FAM53B: variants seen among roughly 807,000 people sequenced by gnomAD.
FAM53B encodes protein FAM53B.
FAM53B carries 12 observed loss-of-function variants against 32.7 expected under a neutral mutation model. The observed-to-expected ratio is 0.37, with a 90% confidence interval of 0.24 to 0.59. The LOEUF (loss-of-function observed/expected upper bound fraction) is 0.59. Among genes scored for constraint, FAM53B ranks in the 20% least tolerant of loss-of-function variants. The pLI, the probability that FAM53B is intolerant of heterozygous loss-of-function variation, is 0.72. For missense variants in FAM53B, 477 were observed against 577.7 expected, an observed-to-expected ratio of 0.83 and a Z score of 1.79; for synonymous variants, 234 against 228.7, an observed-to-expected ratio of 1.02 and a Z score of -0.21.
At chr10:124,623,650 C>T (rs772033440) in intron 4 of FAM53B, 46 bp from the exon 5 acceptor site, 9 of 1,564,528 alleles carry the variant, frequency 5.8e-6, no homozygotes, top group East Asian at 4.5e-5. Context: ...ACTCCCCTCC[C>T]GCAGCCCCAG....
At chr10:124,626,528 G>A (rs1949357052) in intron 4 of FAM53B, among the ~76,000 whole-genome samples, 1 of 152,080 alleles carries the variant, frequency 6.6e-6, no homozygotes. Context: ...AGCCAGACAA[G>A]GATGTGAGAA....
chr10:124,725,871 GAA>G (rs1040907272), intron 1 of FAM53B, among the ~76,000 whole-genome samples: 6 of 152,294 alleles, frequency 3.9e-5, no homozygotes, highest in Admixed American at 1.3e-4. Context: ...GTGGGAAAAT[GAA>G]AGGAAAGACG....
rs1188897377 is a variant in FAM53B at position 124,681,773 on chromosome 10, T to C, written c.740A>G (p.Asn247Ser). ...CTCTGGTGTTGAGGCAGGTGTGCTG[T>C]TGGCTGAGGGAGGACAGTATTCCAC... is the stretch of plus-strand genomic sequence containing the variant. Reference protein sequence around the residue: ...SFVEYCPPSANSTPASTPELA... With the variant: ...SFVEYCPPSASSTPASTPELA... The change falls in exon 4 of 5, where the codon AAC becomes AGC. Residue 247 changes from asparagine (N) to serine (S), a missense_variant. By Grantham distance (46) the Asn-to-Ser change is conservative. Transcript: ENST00000337318. 5.6e-6 allele frequency: 9 copies of C among 1,608,900 alleles called. No homozygotes were observed. Among genetic ancestry groups the C allele is most frequent in the African/African-American group, 5.3e-5 (4 of 74,894 alleles).
intron 4 of FAM53B, among the ~76,000 whole-genome samples, chr10:124,626,689 T>A (rs148657072): frequency 1.3e-5 from 2 of 151,574 alleles, no homozygotes; most frequent in African/African-American, 4.8e-5. Flanking sequence ...CCAAACAAAG[T>A]AAGACACTTT....
At chr10:124,700,321 C>T (rs572989276) in intron 2 of FAM53B, among the ~76,000 whole-genome samples, 5 of 152,302 alleles carry the variant, frequency 3.3e-5, no homozygotes, top group African/African-American at 1.2e-4. Context: ...CACTTTGAAC[C>T]TCCTGCACCC....
At chr10:124,734,366 C>T (rs1950162375) in intron 1 of FAM53B, among the ~76,000 whole-genome samples, 2 of 152,216 alleles carry the variant, frequency 1.3e-5, no homozygotes, top group African/African-American at 4.8e-5. Flanking sequence ...TGGGGGCCAC[C>T]ACCATGGCAG....
intron 4 of FAM53B, among the ~76,000 whole-genome samples, chr10:124,661,153 T>C (rs760637045): frequency 2.6e-5 from 4 of 151,680 alleles, no homozygotes; most frequent in Non-Finnish European, 5.9e-5. Flanking sequence ...TCACCACTCC[T>C]GGAAGACATG....
At chr10:124,710,127 G>A (rs544879598) in intron 1 of FAM53B, among the ~76,000 whole-genome samples, 2 of 152,354 alleles carry the variant, frequency 1.3e-5, no homozygotes, top group East Asian at 3.9e-4. Context: ...CACAGGGCAC[G>A]CAGAGGGCAC....
At chr10:124,648,147 C>G (rs900145513) in intron 4 of FAM53B, among the ~76,000 whole-genome samples, 3 of 152,354 alleles carry the variant, frequency 2.0e-5, no homozygotes, top group African/African-American at 7.2e-5. Context: ...AACCCTCTCT[C>G]TGAGAACACT....
chr10:124,627,189 G>C (rs531383858), intron 4 of FAM53B, among the ~76,000 whole-genome samples: 117 of 152,326 alleles, frequency 7.7e-4, no homozygotes, highest in African/African-American at 2.7e-3. Flanking sequence ...TGCCACAATG[G>C]GGCGGTGTGT....
chr10:124,722,794 C>T (rs897753288), intron 1 of FAM53B, among the ~76,000 whole-genome samples: 1 of 152,238 alleles, frequency 6.6e-6, no homozygotes, highest in Non-Finnish European at 1.5e-5. Flanking sequence ...GAGCTCCCCC[C>T]AGGAAGGAGG....
intron 4 of FAM53B, among the ~76,000 whole-genome samples, chr10:124,668,079 G>T (rs994053060): frequency 7.9e-5 from 12 of 152,208 alleles, no homozygotes; most frequent in African/African-American, 2.9e-4. Flanking sequence ...TGCTGTCCTA[G>T]GTTTGGAGCA....
At chr10:124,734,762 T>A (rs1465576103) in intron 1 of FAM53B, among the ~76,000 whole-genome samples, 1 of 152,154 alleles carries the variant, frequency 6.6e-6, no homozygotes, top group African/African-American at 2.4e-5. Flanking sequence ...GGAAATCTCA[T>A]GAGTCAAGAC....
chr10:124,680,957 A>G (rs1351263732), intron 4 of FAM53B, among the ~76,000 whole-genome samples: 2 of 152,204 alleles, frequency 1.3e-5, no homozygotes, highest in African/African-American at 2.4e-5. Flanking sequence ...ATTCAAATCA[A>G]TATCCAAGAT....
chr10:124,658,370 A>G (rs1415320954), intron 4 of FAM53B, among the ~76,000 whole-genome samples: 4 of 152,208 alleles, frequency 2.6e-5, no homozygotes, highest in Admixed American at 2.6e-4. Context: ...ATAGATGTCA[A>G]GGGGGACCCT....
intron 4 of FAM53B, among the ~76,000 whole-genome samples, chr10:124,679,148 G>T (rs1197747116): frequency 2.0e-5 from 3 of 152,226 alleles, no homozygotes; most frequent in Non-Finnish European, 4.4e-5. Context: ...CCAGCGGAAG[G>T]AAGCGTGGGC....
At position 124,682,477 on chromosome 10, in the gene FAM53B, C is replaced by T. The variant is rs988773317; in HGVS notation, c.134-98G>A. On this transcript the variant is annotated intron_variant, in intron 3 of 4. Transcript: ENST00000337318. This position sits in a 1 kb window ranked among gnomAD's most constrained non-coding sequence, Gnocchi z 5.2. Reference sequence around the variant, plus strand: ...CAACAGCCCGTTTCAAACACAGTATCTTAGAGCCAAAAGGCCCTTAGAAAC... The same window carrying T: ...CAACAGCCCGTTTCAAACACAGTATTTTAGAGCCAAAAGGCCCTTAGAAAC... The T allele has an allele frequency of 2.7e-6, 3 of 1,117,310 alleles. No homozygotes were observed. Among genetic ancestry groups the T allele is most frequent in the Non-Finnish European group, 3.8e-6 (3 of 799,702 alleles). The allele number at this position is 1,117,310 out of a possible 1,614,324, so 69.2% of individuals were successfully genotyped here.
rs529442450 is a variant in FAM53B at position 124,689,267 on chromosome 10, G to T, written c.134-6888C>A. Among the ~76,000 whole-genome samples the T allele has an allele frequency of 3.3e-5, 5 of 152,272 alleles. No individual in the cohort carries two copies. In the South Asian group the frequency reaches 1.0e-3, roughly 32 times the overall value. ...AAACTGATCTTACGAAAAGAACATGGGGGTGGGGGGGACACAAGCAGGGCA... is the reference window on the plus strand; with the variant it reads ...AAACTGATCTTACGAAAAGAACATGTGGGTGGGGGGGACACAAGCAGGGCA... On this transcript the variant is annotated intron_variant, in intron 3 of 4. Transcript: ENST00000337318.
At chr10:124,694,788 G>A (rs1220824820) in intron 3 of FAM53B, among the ~76,000 whole-genome samples, 1 of 152,210 alleles carries the variant, frequency 6.6e-6, no homozygotes, top group Admixed American at 6.5e-5. Context: ...TCCCAAGTAT[G>A]TCACATGGAA....
Sources: gnomAD v4.1 joint callset for allele counts (sites outside exome capture counted in the v4.1 genomes callset) on GRCh38, gnomAD v4.1.1 for gene constraint, Gnocchi (gnomAD v3.1) non-coding constraint, MANE v1.5 for transcripts, NCBI Gene and HGNC (gene_info 2026-07-23, HGNC 2026-07-21) for gene names.